Variants in SPICE1 observed in about 807,000 individuals in gnomAD.
SPICE1 encodes spindle and centriole associated protein 1.
In SPICE1, 75 loss-of-function variants were observed where a neutral mutation model predicts 102.7. That is an observed-to-expected ratio of 0.73 (90% CI 0.61 to 0.88). SPICE1 has a LOEUF of 0.88. Among genes scored for constraint, SPICE1 ranks in the 40% least tolerant of loss-of-function variants. SPICE1 has a pLI of 0.00. For synonymous variants in SPICE1, 308 were observed against 350.3 expected (o/e 0.88, Z 1.35); for missense variants, 979 against 1,020.1 (o/e 0.96, Z 0.55).
chr3:113,504,941 T>C (rs896351149), intron 2 of SPICE1, among the ~76,000 whole-genome samples: 1 of 152,228 alleles, frequency 6.6e-6, no homozygotes, highest in Non-Finnish European at 1.5e-5. Flanking sequence ...TTTCCAGCAC[T>C]GCAGATAAAA....
chr3:113,469,570 A>G (rs2107465383), intron 7 of SPICE1, among the ~76,000 whole-genome samples: 1 of 148,294 alleles, frequency 6.7e-6, no homozygotes, highest in South Asian at 2.1e-4. Flanking sequence ...ATATTATATT[A>G]ATTTATATAA....
chr3:113,461,756 A>G (rs1935938659), intron 11 of SPICE1, among the ~76,000 whole-genome samples: 1 of 152,202 alleles, frequency 6.6e-6, no homozygotes, highest in Admixed American at 6.5e-5. Flanking sequence ...GCATATATAT[A>G]TCTCTCATGT....
intron 1 of SPICE1, among the ~76,000 whole-genome samples, chr3:113,509,372 T>C (rs1937174974): frequency 6.6e-6 from 1 of 152,222 alleles, no homozygotes; most frequent in Non-Finnish European, 1.5e-5. Context: ...AATGTCAGTA[T>C]ACCTATATGA....
In SPICE1 at chr3:113,450,374, G is replaced by A. The variant is rs751745421; in HGVS notation, c.2285C>T (p.Pro762Leu). The A allele has an allele frequency of 5.6e-6, 9 of 1,614,074 alleles. No homozygotes were observed. Among genetic ancestry groups the A allele is most frequent in the Non-Finnish European group, 6.8e-6 (8 of 1,180,008 alleles). Residue 762 changes from proline (P) to leucine (L), a missense_variant, in exon 15 of 18, where the codon CCA becomes CTA. Coordinates refer to ENST00000295872, the MANE Select transcript of SPICE1 (RefSeq NM_144718.4). The part of the protein sequence containing the change: ...QKLVGLNLSP[P>L]MSPVQLPLRA... ...GAGAGGTAACTGAACAGGTGACATT[G>A]GTGGAGAAAGATTCAAACCAACAAG... is the stretch of plus-strand genomic sequence containing the variant.
In SPICE1 at chr3:113,474,851, T is replaced by C. The variant is rs201146975; in HGVS notation, c.612-5613A>G. ...AGAGAAAGCAGGAAAGATCCAAAAT[T>C]GACACCCTAACATCACAATTAAAAG... is the stretch of plus-strand genomic sequence containing the variant. On this transcript the variant is annotated intron_variant, in intron 7 of 17. Coordinates refer to ENST00000295872, the MANE Select transcript of SPICE1 (RefSeq NM_144718.4). 9.2e-5 allele frequency among the ~76,000 whole-genome samples: 14 copies of C among 151,902 alleles called. No individual in the cohort carries two copies. The East Asian group carries it at 1.4e-3, about 15-fold the overall frequency.
At chr3:113,457,064 T>A in intron 13 of SPICE1, 72 bp downstream of exon 13, 6 of 1,418,604 alleles carry the variant, frequency 4.2e-6, no homozygotes, top group Non-Finnish European at 5.8e-6. Flanking sequence ...TTTCATGTAA[T>A]GGTGAAAGTA....
chr3:113,468,203 C>A lies in SPICE1; in HGVS notation c.1091G>T (p.Gly364Val), dbSNP rs571021459. Residue 364 changes from glycine (G) to valine (V), a missense_variant, in exon 10 of 18, where the codon GGT becomes GTT. Transcript: ENST00000295872. ...CAGCGACAAAGTGAAGCCTGTAAGA[C>A]CCTGACTGCTCTGCAGACCCTTGAC... ...REVKGLQSSQ[G>V]LTGFTLSLVS... 1.9e-6 allele frequency: 3 copies of A among 1,614,156 alleles called. No individual in the cohort carries two copies. Among genetic ancestry groups the A allele is most frequent in the South Asian group, 1.1e-5 (1 of 91,088 alleles).
intron 5 of SPICE1, 118 bp downstream of exon 5, chr3:113,493,931 C>A (rs1936817350): frequency 3.1e-6 from 2 of 639,376 alleles, no homozygotes; most frequent in Non-Finnish European, 5.2e-6. Context: ...GTAAATCCAC[C>A]CTACAATACT....
intron 12 of SPICE1, among the ~76,000 whole-genome samples, chr3:113,458,509 C>G (rs1223948813): frequency 1.3e-5 from 2 of 152,220 alleles, no homozygotes; most frequent in Non-Finnish European, 1.5e-5. Context: ...CTCGCTCACT[C>G]AGTGCTCAAT....
intron 8 of SPICE1, 86 bp downstream of exon 8, chr3:113,469,013 C>T (rs760270209): frequency 8.1e-5 from 127 of 1,560,970 alleles, no homozygotes; most frequent in Non-Finnish European, 1.0e-4. Flanking sequence ...AGTCAAAACT[C>T]AAATAACATT....
intron 7 of SPICE1, among the ~76,000 whole-genome samples, chr3:113,487,810 T>C (rs6438154): frequency 0.037 from 5,580 of 152,294 alleles, 158 homozygotes; most frequent in African/African-American, 0.07. Context: ...AAGGTGTCAC[T>C]GCCTCTTGAT....
Position 113,503,216 on chromosome 3 carries a change from A to C in SPICE1, c.111T>G (p.Thr37=), listed in dbSNP as rs898796281. Residue 37 remains threonine (T), a synonymous_variant, in exon 3 of 18, where the codon ACT becomes ACG. Transcript: ENST00000295872. The stretch of plus-strand genomic sequence containing the variant: ...GAGTTGCCCGATGAACGGTTAGATC[A>C]GTCACGGTATTCTGTAAAAAAAGGT... ...SVKQEWDNTV[T]DLTVHRATPE... is the part of the protein sequence containing the mutation. 1 of 1,597,774 alleles carries C rather than the reference A, an allele frequency of 6.3e-7. No homozygotes were observed. The highest frequency in any genetic ancestry group is 8.5e-7 in the Non-Finnish European group (1 of 1,174,422).
At chr3:113,456,704 A>C (rs970155075) in intron 13 of SPICE1, among the ~76,000 whole-genome samples, 3 of 152,250 alleles carry the variant, frequency 2.0e-5, no homozygotes, top group African/African-American at 7.2e-5. Context: ...TTTTGATGAG[A>C]AAGAGGTGAA....
chr3:113,465,705 T>C lies in SPICE1; in HGVS notation c.1235A>G (p.Asp412Gly). ...QVLGDHRELI[D>G]ALTAEILRLR... The stretch of plus-strand genomic sequence containing the variant: ...ACGAAGAATTTCAGCTGTCAGAGCA[T>C]CAATGAGCTCTCGATGATCACCTAA... The change falls in exon 11 of 18, where the codon GAT (aspartate) becomes GGT (glycine). Residue 412 changes from aspartate (D) to glycine (G), a missense_variant. Physicochemically the swap from Asp to Gly is moderately conservative, Grantham distance 94. Coordinates refer to ENST00000295872, the MANE Select transcript of SPICE1 (RefSeq NM_144718.4). The C allele has an allele frequency of 6.2e-7, 1 of 1,613,800 alleles. No homozygotes were observed. Among genetic ancestry groups the C allele is most frequent in the Non-Finnish European group, 8.5e-7 (1 of 1,179,722 alleles).
At position 113,488,969 on chromosome 3, in the gene SPICE1, G is replaced by C. The variant is rs750299581; in HGVS notation, c.587C>G (p.Ser196Cys). 8 of 1,611,728 alleles carry C rather than the reference G, an allele frequency of 5.0e-6. 1 individual carries two copies. In the South Asian group the frequency reaches 8.8e-5, roughly 18 times the overall value. ...CCTGTCTGTATTCGTGTTAGACTGAGAGTTTAGAGAGTTATCCAACTCATT... is the reference window on the plus strand; with the variant it reads ...CCTGTCTGTATTCGTGTTAGACTGACAGTTTAGAGAGTTATCCAACTCATT... ...NENELDNSLN[S>C]QSNTNTDRFL... The change falls in exon 7 of 18, where the codon TCT (serine) becomes TGT (cysteine). Residue 196 changes from serine (S) to cysteine (C), a missense_variant. By Grantham distance (112) the Ser-to-Cys change is moderately radical. Coordinates refer to ENST00000295872, the MANE Select transcript of SPICE1 (RefSeq NM_144718.4).
intron 12 of SPICE1, chr3:113,459,535 T>C: frequency 4.1e-6 from 4 of 985,164 alleles, no homozygotes; most frequent in Non-Finnish European, 4.8e-6. Context: ...TTCTCAGTAG[T>C]GAAGCTTAAT....
Position 113,453,565 on chromosome 3 carries a change from A to G in SPICE1, c.2043T>C (p.Ala681=), listed in dbSNP as rs1243325631. The G allele has an allele frequency of 1.1e-5, 18 of 1,614,154 alleles. No individual in the cohort carries two copies. Among genetic ancestry groups the G allele is most frequent in the South Asian group, 2.2e-5 (2 of 91,076 alleles). ...RIADLTLQNS[A]IKAHMNNIIE... is the part of the protein sequence containing the mutation. ...TAATATTATTCATATGTGCCTTGAT[A>G]GCTGAATTCTGCAATGTCAAATCAG... Residue 681 remains alanine, a synonymous_variant, in exon 14 of 18, where the codon GCT becomes GCC. Coordinates refer to ENST00000295872, the MANE Select transcript of SPICE1 (RefSeq NM_144718.4).
chr3:113,513,912 G>A (rs1937273235), intron 1 of SPICE1, among the ~76,000 whole-genome samples: 1 of 152,200 alleles, frequency 6.6e-6, no homozygotes, highest in Non-Finnish European at 1.5e-5. Flanking sequence ...GAGTTTCTAA[G>A]AGGACCGCAA....
Position 113,445,202 on chromosome 3 carries a change from C to A in SPICE1, c.*105G>T, listed in dbSNP as rs1211833166. 3.4e-5 allele frequency: 29 copies of A among 856,998 alleles called. No individual in the cohort carries two copies. Among genetic ancestry groups the A allele is most frequent in the Middle Eastern group, 4.6e-4 (2 of 4,370 alleles). The allele number at this position is 856,998 out of a possible 1,614,324, so 53.1% of individuals were successfully genotyped here. A position where few individuals can be genotyped will look rare whatever the true frequency, so the allele number is the denominator to read the frequency against. ...TTTCATTAGTACTAATTCACAGGAT[C>A]TTTGTAGGTTTTATCTGAAAGAAGG... On this transcript the variant is annotated 3_prime_UTR_variant, in exon 18 of 18. Coordinates refer to ENST00000295872, the MANE Select transcript of SPICE1 (RefSeq NM_144718.4).
Sources: gnomAD v4.1 joint callset for allele counts (sites outside exome capture counted in the v4.1 genomes callset) on GRCh38, gnomAD v4.1.1 for gene constraint, MANE v1.5 for transcripts, NCBI Gene and HGNC (gene_info 2026-07-23, HGNC 2026-07-21) for gene names.